Variants in CPA6 observed in about 807,000 individuals in gnomAD.
The protein encoded by CPA6 is carboxypeptidase A6.
Under a neutral mutation model 63.3 loss-of-function variants are expected in CPA6, and 58 were observed. The ratio of observed to expected loss-of-function variants is 0.92; its 90% CI spans 0.74 to 1.14. The LOEUF (loss-of-function observed/expected upper bound fraction) is 1.14, where lower values mean the gene tolerates loss of function less well. CPA6 is among the 50% of genes most tolerant of loss of function. The probability of loss-of-function intolerance (pLI) is 0.00; values close to 1 mark genes in which losing one functional copy is unlikely to be tolerated. For missense variants in CPA6, 565 were observed against 526.6 expected (o/e 1.07, Z -0.71); for synonymous variants, 185 against 179.0 (o/e 1.03, Z -0.27).
chr8:67,740,591 A>T (rs936997731), intron 1 of CPA6, among the ~76,000 whole-genome samples: 10 of 152,112 alleles, frequency 6.6e-5, no homozygotes, highest in African/African-American at 2.4e-4. Flanking sequence ...TTTTCTTGAG[A>T]CTGAGTCTTG....
intron 2 of CPA6, among the ~76,000 whole-genome samples, chr8:67,562,640 G>T (rs1181229882): frequency 6.6e-6 from 1 of 152,146 alleles, no homozygotes; most frequent in East Asian, 1.9e-4. Flanking sequence ...AGGTGATTAG[G>T]TCAAGACCGT....
At chr8:67,629,876 G>A (rs1815282779) in intron 1 of CPA6, among the ~76,000 whole-genome samples, 1 of 152,046 alleles carries the variant, frequency 6.6e-6, no homozygotes, top group African/African-American at 2.4e-5. Flanking sequence ...GGAGGCCGAG[G>A]CGGGTGGATC....
chr8:67,494,797 T>G (rs1432778736), intron 6 of CPA6, among the ~76,000 whole-genome samples: 1 of 152,226 alleles, frequency 6.6e-6, no homozygotes, highest in Non-Finnish European at 1.5e-5. Flanking sequence ...TGTCTCTTCT[T>G]ATCAGCTTAT....
chr8:67,500,008 T>C (rs1435668415), intron 6 of CPA6, among the ~76,000 whole-genome samples: 1 of 152,182 alleles, frequency 6.6e-6, no homozygotes, highest in Non-Finnish European at 1.5e-5. Flanking sequence ...CTGGGATAAA[T>C]GCCAGGAGTG....
intron 5 of CPA6, among the ~76,000 whole-genome samples, 169 bp from the exon 6 acceptor site, chr8:67,507,057 C>T (rs190677100): frequency 5.9e-5 from 9 of 152,098 alleles, no homozygotes; most frequent in Admixed American, 5.9e-4. Flanking sequence ...CTTCTTTATG[C>T]AGAAACAATA....
intron 8 of CPA6, among the ~76,000 whole-genome samples, chr8:67,441,689 A>G (rs1353034079): frequency 6.6e-6 from 1 of 152,206 alleles, no homozygotes; most frequent in Non-Finnish European, 1.5e-5. Flanking sequence ...AATGATGTTG[A>G]GAAACTAGTA....
intron 1 of CPA6, among the ~76,000 whole-genome samples, chr8:67,697,432 C>T (rs1164455194): frequency 1.3e-5 from 2 of 152,206 alleles, no homozygotes; most frequent in Non-Finnish European, 2.9e-5. Context: ...AGGAGGCCAT[C>T]TGACTTCTTT....
At chr8:67,430,219 G>A (rs1180736503) in intron 9 of CPA6, among the ~76,000 whole-genome samples, 2 of 141,728 alleles carry the variant, frequency 1.4e-5, no homozygotes, top group East Asian at 4.2e-4. Flanking sequence ...TGCTCTTGTC[G>A]CCCAGGCTGG....
In CPA6 at chr8:67,422,614, T is replaced by C; in HGVS notation, c.1204A>G (p.Thr402Ala). 7 of 1,613,994 alleles carry C rather than the reference T, an allele frequency of 4.3e-6. No homozygotes were observed. The highest frequency in any genetic ancestry group is 1.7e-4 in the Middle Eastern group (1 of 6,060). ...GGGAGTAAAAATCCAAAATATCCAG[T>C]GTCACGTAGTTCGAAAGCAAATGCA... The part of the protein sequence containing the change: ...PYAFAFELRD[T>A]GYFGFLLPEM... The change falls in exon 11 of 11, where the codon ACT becomes GCT. Residue 402 changes from threonine to alanine, a missense_variant. Transcript: ENST00000297770.
intron 3 of CPA6, 143 bp downstream of exon 3, chr8:67,517,780 A>G: frequency 1.2e-6 from 1 of 811,804 alleles, no homozygotes; most frequent in Non-Finnish European, 1.9e-6. Context: ...CTTCAAGGTG[A>G]ATATATTCAT....
At chr8:67,566,671 T>C (rs1466783938) in intron 2 of CPA6, among the ~76,000 whole-genome samples, 1 of 152,216 alleles carries the variant, frequency 6.6e-6, no homozygotes, top group African/African-American at 2.4e-5. Context: ...AACTATCTCA[T>C]GGTCTAGCTG....
intron 1 of CPA6, among the ~76,000 whole-genome samples, chr8:67,679,613 G>A (rs1469201355): frequency 6.6e-6 from 1 of 152,156 alleles, no homozygotes; most frequent in African/African-American, 2.4e-5. Context: ...ACTACATAAA[G>A]TAGTCAAGCT....
At position 67,550,893 on chromosome 8, in the gene CPA6, T is replaced by C. The variant is rs116092184; in HGVS notation, c.193-32846A>G. 5.8e-3 allele frequency among the ~76,000 whole-genome samples: 878 copies of C among 152,288 alleles called. 10 individuals carry two copies. Among genetic ancestry groups the C allele is most frequent in the African/African-American group, 0.019 (798 of 41,572 alleles). ...CCACTTTTAATGGGGTTATTTGTTTTCTGCTTGTTGAATTAAGTTTCTTAT... is the reference window on the plus strand; with the variant it reads ...CCACTTTTAATGGGGTTATTTGTTTCCTGCTTGTTGAATTAAGTTTCTTAT... On this transcript the variant is annotated intron_variant, in intron 2 of 10. Coordinates refer to ENST00000297770, the MANE Select transcript of CPA6 (RefSeq NM_020361.5).
intron 1 of CPA6, among the ~76,000 whole-genome samples, chr8:67,695,012 T>A (rs550403527): frequency 1.3e-5 from 2 of 152,218 alleles, no homozygotes; most frequent in East Asian, 3.9e-4. Flanking sequence ...GGGATAGACC[T>A]CTCTGAATGG....
chr8:67,714,474 C>A (rs374301831), intron 1 of CPA6, among the ~76,000 whole-genome samples: 1 of 152,070 alleles, frequency 6.6e-6, no homozygotes, highest in Non-Finnish European at 1.5e-5. Flanking sequence ...TTCGGGAGCC[C>A]GAGCACTCCT....
chr8:67,491,634 A>C (rs1167724579), intron 6 of CPA6, among the ~76,000 whole-genome samples: 1 of 152,160 alleles, frequency 6.6e-6, no homozygotes, highest in African/African-American at 2.4e-5. Flanking sequence ...ACAGTGATTC[A>C]TTGGTTGTAT....
chr8:67,704,839 GT>G lies in CPA6; in HGVS notation c.116+41174del, dbSNP rs376262516. Among the ~76,000 whole-genome samples, 551 of 152,250 alleles carry G rather than the reference GT, an allele frequency of 3.6e-3. 3 individuals carry two copies. The highest frequency in any genetic ancestry group is 0.012 in the African/African-American group (507 of 41,548). ...TCCTCTATTCTCTCTTTGCAGATGG[GT>G]AATCGTGTCTCCCTACCACATAACA... On this transcript the variant is annotated intron_variant, in intron 1 of 10. Coordinates refer to ENST00000297770, the MANE Select transcript of CPA6 (RefSeq NM_020361.5).
intron 1 of CPA6, among the ~76,000 whole-genome samples, chr8:67,660,394 A>G (rs1016712958): frequency 3.8e-5 from 5 of 132,240 alleles, no homozygotes; most frequent in South Asian, 2.5e-4. Context: ...GAGTGTCTCA[A>G]TCTTGGCTCA....
At chr8:67,681,883 C>T (rs1429903004) in intron 1 of CPA6, among the ~76,000 whole-genome samples, 2 of 151,576 alleles carry the variant, frequency 1.3e-5, no homozygotes, top group Non-Finnish European at 2.9e-5. Context: ...TTTCCAGGCT[C>T]TTTCATTTCC....
Sources: allele counts gnomAD v4.1 joint callset (sites outside exome capture counted in the v4.1 genomes callset), GRCh38; gene constraint gnomAD v4.1.1; transcripts MANE v1.5; gene names NCBI Gene and HGNC (gene_info 2026-07-23, HGNC 2026-07-21).